The following CHIC2 variants were observed in gnomAD, a reference collection of about 807,000 sequenced individuals.
CHIC2 encodes the protein cysteine rich hydrophobic domain 2.
In CHIC2, 14 loss-of-function variants were observed where a neutral mutation model predicts 25.9. That is an observed-to-expected ratio of 0.54 (90% CI 0.36 to 0.85). CHIC2 has a LOEUF of 0.85. CHIC2 is among the 40% of genes least tolerant of loss of function. The pLI, the probability that CHIC2 is intolerant of heterozygous loss-of-function variation, is 0.01. For missense variants in CHIC2, 146 were observed against 202.0 expected, an observed-to-expected ratio of 0.72 and a Z score of 1.68; for synonymous variants, 70 against 72.0, an observed-to-expected ratio of 0.97 and a Z score of 0.14.
chr4:54,010,821 G>A (rs1235622599), intron 5 of CHIC2, among the ~76,000 whole-genome samples: 7 of 151,894 alleles, frequency 4.6e-5, no homozygotes, highest in Admixed American at 4.6e-4. Context: ...TACTCTACCA[G>A]AATATGTAAT....
At chr4:54,072,111 G>A in the CHIC2 span, among the ~76,000 whole-genome samples, 3 of 151,910 alleles carry the variant, frequency 2.0e-5, no homozygotes, top group Non-Finnish European at 4.4e-5. Flanking sequence ...TGGCCAACAT[G>A]GTGAAACTCC....
chr4:54,012,889 G>A (rs559673263), intron 5 of CHIC2, among the ~76,000 whole-genome samples: 20 of 152,162 alleles, frequency 1.3e-4, no homozygotes, highest in African/African-American at 4.8e-4. Context: ...ACAGGAAAAT[G>A]CTAACAGACA....
chr4:54,024,590 T>TA (rs34544585), intron 3 of CHIC2, among the ~76,000 whole-genome samples: 55 of 152,068 alleles, frequency 3.6e-4, no homozygotes, highest in African/African-American at 1.1e-3. Flanking sequence ...TACTCACTGC[T>TA]AAAAAAAGGG....
intron 3 of CHIC2, among the ~76,000 whole-genome samples, chr4:54,046,618 C>T (rs1047011464): frequency 4.6e-5 from 7 of 152,134 alleles, no homozygotes; most frequent in African/African-American, 1.7e-4. Context: ...GAAACTGGAT[C>T]CCTTCCTTAC....
rs1715812011 is a variant in CHIC2, at chr4:54,018,675, TTTATC to T, written c.331-4561_331-4557del. Reference sequence around the variant, plus strand: ...GTTAAGTGTAGAAACTGTAACAAAGTTTATCTTAATATTTCCCAATAAAATAGTAT... The same window carrying T: ...GTTAAGTGTAGAAACTGTAACAAAGTTTAATATTTCCCAATAAAATAGTAT... On this transcript the variant is annotated intron_variant, in intron 3 of 5. Transcript: ENST00000263921. 2.0e-5 allele frequency among the ~76,000 whole-genome samples: 3 copies of T among 152,126 alleles called. No individual in the cohort carries two copies. The South Asian group carries it at 6.2e-4, about 31-fold the overall frequency.
At chr4:54,076,944 G>A in the CHIC2 span, 3 of 144,534 alleles carry the variant, frequency 2.1e-5, no homozygotes, top group African/African-American at 5.0e-5. Flanking sequence ...GTGGGCTAAG[G>A]AATCATTTGT....
At chr4:54,077,625 G>A in the CHIC2 span, among the ~76,000 whole-genome samples, 24 of 152,042 alleles carry the variant, frequency 1.6e-4, no homozygotes, top group African/African-American at 5.8e-4. Context: ...ATAGTCACTA[G>A]CCTGTAAGAG....
intron 3 of CHIC2, among the ~76,000 whole-genome samples, chr4:54,040,629 A>G (rs907459633): frequency 3.6e-5 from 5 of 140,060 alleles, no homozygotes; most frequent in Middle Eastern, 4.0e-3. Context: ...TGAACCGGGG[A>G]GGTGTAGGTT....
intron 3 of CHIC2, among the ~76,000 whole-genome samples, chr4:54,045,252 T>C (rs1450574342): frequency 6.6e-6 from 1 of 151,572 alleles, no homozygotes; most frequent in African/African-American, 2.4e-5. Context: ...CCTTCTGAAA[T>C]TATTCCAATC....
At chr4:54,011,606 C>T (rs1186097585) in intron 5 of CHIC2, among the ~76,000 whole-genome samples, 2 of 151,942 alleles carry the variant, frequency 1.3e-5, no homozygotes, top group Non-Finnish European at 2.9e-5. Flanking sequence ...ATTTTAGTCC[C>T]CAGGTATGGG....
chr4:54,053,556 CAAAA>C (rs59889546), intron 1 of CHIC2, among the ~76,000 whole-genome samples: 1 of 73,974 alleles, frequency 1.4e-5, no homozygotes. Context: ...GACTCAGTCT[CAAAA>C]AAAAAAAAAA....
intron 3 of CHIC2, among the ~76,000 whole-genome samples, chr4:54,020,088 T>G (rs992053079): frequency 2.0e-5 from 3 of 152,192 alleles, no homozygotes; most frequent in African/African-American, 4.8e-5. Flanking sequence ...CTGTCAGGCC[T>G]CTGAGCCCAA....
chr4:54,043,958 G>C (rs1324618022), intron 3 of CHIC2, among the ~76,000 whole-genome samples: 1 of 152,102 alleles, frequency 6.6e-6, no homozygotes, highest in Non-Finnish European at 1.5e-5. Context: ...GATGGAGGAA[G>C]ATCTACTAAG....
At chr4:54,061,872 G>A (rs888496776) in intron 1 of CHIC2, among the ~76,000 whole-genome samples, 2 of 152,108 alleles carry the variant, frequency 1.3e-5, no homozygotes, top group African/African-American at 4.8e-5. Context: ...GCTTAGAAAT[G>A]GAAAAATAAG....
chr4:54,080,573 C>T, the CHIC2 span, among the ~76,000 whole-genome samples: 8 of 151,930 alleles, frequency 5.3e-5, no homozygotes, highest in African/African-American at 1.7e-4. Flanking sequence ...CAAGACCAAC[C>T]TGAGCAACAT....
the CHIC2 span, among the ~76,000 whole-genome samples, chr4:54,075,579 A>C: frequency 6.6e-6 from 1 of 152,206 alleles, no homozygotes; most frequent in African/African-American, 2.4e-5. Flanking sequence ...TTTGAGACTG[A>C]GTCTCACTCT....
intron 1 of CHIC2, among the ~76,000 whole-genome samples, chr4:54,053,137 T>A (rs1314167154): frequency 1.3e-5 from 2 of 152,214 alleles, no homozygotes; most frequent in Non-Finnish European, 2.9e-5. Flanking sequence ...TCTTTCTCAA[T>A]GGAGGAAAAT....
rs1392483803 is a variant in CHIC2, at chr4:54,064,398, C to T, written c.-98G>A. 1.9e-6 allele frequency: 3 copies of T among 1,549,674 alleles called. No individual in the cohort carries two copies. The highest frequency in any genetic ancestry group is 2.6e-6 in the Non-Finnish European group (3 of 1,150,262). ...CGGCGGAGGCTGAGGGGAGTCGCCG[C>T]TGCCGCCGGCTCCGAGGCCGCGGAG... On this transcript the variant is annotated 5_prime_UTR_variant, in exon 1 of 6. Coordinates refer to ENST00000263921, the MANE Select transcript of CHIC2 (RefSeq NM_012110.4). The surrounding 1 kb of genome is among the most constrained non-coding windows in gnomAD (Gnocchi z 4.2).
intron 3 of CHIC2, among the ~76,000 whole-genome samples, chr4:54,021,745 C>A (rs540818681): frequency 6.6e-6 from 1 of 152,066 alleles, no homozygotes; most frequent in Non-Finnish European, 1.5e-5. Flanking sequence ...TGGCAACAAC[C>A]CTTTGACGTT....
Sources: gnomAD v4.1 joint callset for allele counts (sites outside exome capture counted in the v4.1 genomes callset) on GRCh38, gnomAD v4.1.1 for gene constraint, Gnocchi (gnomAD v3.1) non-coding constraint, MANE v1.5 for transcripts, NCBI Gene and HGNC (gene_info 2026-07-23, HGNC 2026-07-21) for gene names.